The following KNL1 variants were observed in gnomAD, a reference collection of about 807,000 sequenced individuals.
The protein encoded by KNL1 is outer kinetochore KNL1 complex subunit KNL1.
KNL1 carries 66 observed loss-of-function variants against 201.3 expected under a neutral mutation model. The observed-to-expected ratio is 0.33, with a 90% CI of 0.27 to 0.40. The LOEUF is 0.40. Among genes scored for constraint, KNL1 ranks in the 10% least tolerant of loss-of-function variants. The pLI is 1.00. For missense variants in KNL1, 2,815 were observed against 2,690.5 expected (o/e 1.05, Z -1.02); for synonymous variants, 895 against 899.2 (o/e 1.00, Z 0.08).
intron 13 of KNL1, among the ~76,000 whole-genome samples, chr15:40,635,939 G>T (rs1893044405): frequency 6.6e-6 from 1 of 152,122 alleles, no homozygotes; most frequent in Non-Finnish European, 1.5e-5. Flanking sequence ...GGGTTCAAGT[G>T]ATTCTCCCTG....
At chr15:40,595,430 G>A (rs1328867870) in intron 1 of KNL1, among the ~76,000 whole-genome samples, 2 of 152,328 alleles carry the variant, frequency 1.3e-5, no homozygotes, top group East Asian at 1.9e-4. Flanking sequence ...ATGATTTACA[G>A]ATGGGAGTTA....
intron 1 of KNL1, among the ~76,000 whole-genome samples, chr15:40,602,334 C>T (rs1465633257): frequency 1.4e-5 from 2 of 141,858 alleles, no homozygotes; most frequent in Non-Finnish European, 3.0e-5. Flanking sequence ...GACGGGGTTT[C>T]ACCGTGTTAG....
chr15:40,645,008 C>T lies in KNL1; in HGVS notation c.5810C>T (p.Ser1937Phe). ...RRQKIEELKL[S>F]ASNQDKLLVD... ...TTTCCGTATTTTAGATTAAAGCTTT[C>T]TGCATCGAACCAAGATAAGCTGTTG... is the stretch of plus-strand genomic sequence containing the variant. Residue 1937 changes from serine (S) to phenylalanine (F), a missense_variant, in exon 15 of 26, where the codon TCT (serine) becomes TTT (phenylalanine). Physicochemically the swap from Ser to Phe is radical, Grantham distance 155. This residue lies in a region of KNL1 where 2,464 missense variants were observed against 2,291.7 expected (regional missense o/e 1.08). Transcript: ENST00000399668. The T allele has an allele frequency of 6.2e-7, 1 of 1,609,994 alleles. No homozygotes were observed. The highest frequency in any genetic ancestry group is 1.1e-5 in the South Asian group (1 of 90,898).
Position 40,662,317 on chromosome 15 carries a change from T to C in KNL1, c.*129T>C. ...AAATTCCTTCTGATGATGTTATAGT[T>C]AATCTGTATGTTTTTTATATCTCTG... On this transcript the variant is annotated 3_prime_UTR_variant, in exon 26 of 26. Coordinates refer to ENST00000399668, the MANE Select transcript of KNL1 (RefSeq NM_144508.5). 1 of 630,348 alleles carries C rather than the reference T, an allele frequency of 1.6e-6. No homozygotes were observed. The highest frequency in any genetic ancestry group is 2.8e-6 in the Non-Finnish European group (1 of 351,302). The allele number at this position is 630,348 out of a possible 1,614,324, so 39.0% of individuals were successfully genotyped here. A position where few individuals can be genotyped will look rare whatever the true frequency, so the allele number is the denominator to read the frequency against.
At chr15:40,596,816 C>T (rs1490948231) in intron 1 of KNL1, among the ~76,000 whole-genome samples, 1 of 151,694 alleles carries the variant, frequency 6.6e-6, no homozygotes, top group Non-Finnish European at 1.5e-5. Context: ...GCCTGACCAA[C>T]ATGCAGAAAC....
chr15:40,611,931 G>C (rs1266213145), intron 7 of KNL1, among the ~76,000 whole-genome samples: 1 of 152,154 alleles, frequency 6.6e-6, no homozygotes, highest in Non-Finnish European at 1.5e-5. Flanking sequence ...TGTAATCCGA[G>C]CACTTTGGGA....
At chr15:40,599,269 C>T (rs1016307654) in intron 1 of KNL1, among the ~76,000 whole-genome samples, 1 of 146,668 alleles carries the variant, frequency 6.8e-6, no homozygotes, top group Non-Finnish European at 1.5e-5. Flanking sequence ...GCCAAAATTG[C>T]GTCACTGCAC....
intron 13 of KNL1, among the ~76,000 whole-genome samples, chr15:40,638,263 A>C: frequency 3.4e-5 from 1 of 29,398 alleles, no homozygotes; most frequent in African/African-American, 1.4e-4. Flanking sequence ...GGGGAGGGGG[A>C]GGGGGAAGGA....
intron 14 of KNL1, 33 bp from the exon 15 acceptor site, chr15:40,644,964 C>T (rs369829712): frequency 7.2e-7 from 1 of 1,390,790 alleles, no homozygotes; most frequent in Non-Finnish European, 1.0e-6. Context: ...CTTTCTTTTC[C>T]CTACAGTGCT....
rs969636790 is a variant in KNL1 at position 40,663,202 on chromosome 15, G to A, written c.*1014G>A. 1 of 158,992 alleles carries A rather than the reference G, an allele frequency of 6.3e-6. No homozygotes were observed. Among genetic ancestry groups the A allele is most frequent in the Non-Finnish European group, 1.4e-5 (1 of 72,122 alleles). The allele number at this position is 158,992 out of a possible 1,614,324, so 9.8% of individuals were successfully genotyped here. A position where few individuals can be genotyped will look rare whatever the true frequency, so the allele number is the denominator to read the frequency against. ...AGCCTCCCGAGTAGCTGGGACTACA[G>A]GTGCCCACCACCATGCCGGGCTAAT... On this transcript the variant is annotated 3_prime_UTR_variant, in exon 26 of 26. Coordinates refer to ENST00000399668, the MANE Select transcript of KNL1 (RefSeq NM_144508.5).
At chr15:40,604,659 G>A (rs1891917187) in intron 2 of KNL1, among the ~76,000 whole-genome samples, 1 of 152,194 alleles carries the variant, frequency 6.6e-6, no homozygotes, top group South Asian at 2.1e-4. Context: ...ACTAACCACA[G>A]CAGAGGAATG....
At chr15:40,652,249 TAGC>T (rs1486221992) in intron 21 of KNL1, 144 bp downstream of exon 21, 1 of 433,202 alleles carries the variant, frequency 2.3e-6, no homozygotes, top group African/African-American at 2.0e-5. Context: ...ACTTTATTGA[TAGC>T]AGAATTTTAT....
chr15:40,654,830 T>C (rs927271461), intron 21 of KNL1, 79 bp from the exon 22 acceptor site: 6 of 1,040,268 alleles, frequency 5.8e-6, no homozygotes. Flanking sequence ...GACTGCGCCA[T>C]TGCACTCCAG....
intron 25 of KNL1, 38 bp from the exon 26 acceptor site, chr15:40,662,036 C>T (rs377720677): frequency 1.2e-4 from 147 of 1,258,160 alleles, no homozygotes; most frequent in Non-Finnish European, 1.5e-4. Flanking sequence ...GAGACTCCGT[C>T]GCAAAAAAGA....
At position 40,620,659 on chromosome 15, in the gene KNL1, C is replaced by A. The variant is rs760311434; in HGVS notation, c.395C>A (p.Thr132Asn). The change falls in exon 10 of 26, where the codon ACC (threonine) becomes AAC (asparagine). Residue 132 changes from threonine (T) to asparagine (N), a missense_variant. Around this residue, in one of 3 missense-constraint regions of KNL1, gnomAD observed 2,464 missense variants for 2,291.7 expected, o/e 1.08. Coordinates refer to ENST00000399668, the MANE Select transcript of KNL1 (RefSeq NM_144508.5). The stretch of plus-strand genomic sequence containing the variant: ...TTATAGTTTTCAATTATAGAACATA[C>A]CCGTGAAAGGAAACATGCAAATGAC... ...QQKEFSIIEH[T>N]RERKHANDQT... 6.3e-7 allele frequency: 1 copy of A among 1,583,310 alleles called. No homozygotes were observed. The highest frequency in any genetic ancestry group is 1.2e-5 in the South Asian group (1 of 86,476).
chr15:40,596,551 C>G (rs925203243), intron 1 of KNL1, among the ~76,000 whole-genome samples: 1 of 151,404 alleles, frequency 6.6e-6, no homozygotes, highest in Non-Finnish European at 1.5e-5. Context: ...CCTGGGATTA[C>G]AGGTGTGAGC....
chr15:40,661,038 T>C lies in KNL1; in HGVS notation c.6837-1036T>C, dbSNP rs73396503. On this transcript the variant is annotated intron_variant, in intron 25 of 25. Coordinates refer to ENST00000399668, the MANE Select transcript of KNL1 (RefSeq NM_144508.5). The stretch of plus-strand genomic sequence containing the variant: ...GACTGTGACGTATTTTGTGACTTTT[T>C]AGATGCACTGCTGACAGATTGGAAG... Among the ~76,000 whole-genome samples the C allele has an allele frequency of 6.8e-3, 1,042 of 152,234 alleles. 9 individuals are homozygous for C. The highest frequency in any genetic ancestry group is 0.024 in the African/African-American group (1,000 of 41,542).
At chr15:40,654,517 C>T (rs1298690848) in intron 21 of KNL1, among the ~76,000 whole-genome samples, 1 of 148,502 alleles carries the variant, frequency 6.7e-6, no homozygotes, top group East Asian at 2.0e-4. Flanking sequence ...CTCTGCTACA[C>T]AGAAGGAGTA....
At chr15:40,615,406 T>C (rs377726853) in intron 8 of KNL1, 28 bp downstream of exon 8, 9 of 620,178 alleles carry the variant, frequency 1.5e-5, no homozygotes, top group Non-Finnish European at 2.4e-5. Flanking sequence ...ACTTTTCTTA[T>C]AGTAAGATAG....
Sources: allele counts gnomAD v4.1 joint callset (sites outside exome capture counted in the v4.1 genomes callset), GRCh38; gene constraint gnomAD v4.1.1; regional missense constraint gnomAD v4.1.1; transcripts MANE v1.5; gene names NCBI Gene and HGNC (gene_info 2026-07-23, HGNC 2026-07-21).